The following ARHGAP26 variants were observed in gnomAD, a reference collection of about 807,000 sequenced individuals.
The protein encoded by ARHGAP26 is Rho GTPase activating protein 26.
A neutral mutation model predicts 104.8 loss-of-function variants in ARHGAP26; 38 were observed. The observed-to-expected ratio is 0.36, with a 90% CI of 0.28 to 0.48. The LOEUF (loss-of-function observed/expected upper bound fraction) is 0.48. ARHGAP26 is among the 20% of genes least tolerant of loss of function. ARHGAP26 has a pLI of 0.99. For synonymous variants in ARHGAP26, 341 were observed against 340.0 expected, an observed-to-expected ratio of 1.00 and a Z score of -0.03; for missense variants, 704 against 947.9, an observed-to-expected ratio of 0.74 and a Z score of 3.38.
intron 17 of ARHGAP26, among the ~76,000 whole-genome samples, chr5:143,059,688 A>C (rs1023381826): frequency 3.3e-5 from 5 of 152,178 alleles, no homozygotes; most frequent in African/African-American, 1.2e-4. Context: ...AACCAATTTA[A>C]GGCAATTTTA....
intron 11 of ARHGAP26, among the ~76,000 whole-genome samples, chr5:143,002,597 A>G (rs1019155653): frequency 4.6e-5 from 7 of 152,194 alleles, no homozygotes; most frequent in Non-Finnish European, 1.0e-4. Context: ...TGACCTGGCC[A>G]CATCCTACAT....
intron 21 of ARHGAP26, among the ~76,000 whole-genome samples, chr5:143,210,078 C>T (rs147276557): frequency 2.0e-4 from 30 of 152,230 alleles, no homozygotes; most frequent in African/African-American, 6.7e-4. Context: ...AATGATGTCT[C>T]CTCTGGAAAT....
At chr5:143,082,437 A>C (rs1481261652) in intron 17 of ARHGAP26, among the ~76,000 whole-genome samples, 1 of 152,264 alleles carries the variant, frequency 6.6e-6, no homozygotes, top group Non-Finnish European at 1.5e-5. Flanking sequence ...AACATAAAAA[A>C]TAATAAAATT....
intron 11 of ARHGAP26, among the ~76,000 whole-genome samples, chr5:142,944,557 T>C (rs141453005): frequency 6.6e-6 from 1 of 152,318 alleles, no homozygotes; most frequent in African/African-American, 2.4e-5. Context: ...TTGATGAGCC[T>C]GTAGGTGTAT....
Position 143,224,803 on chromosome 5 carries a change from C to T in ARHGAP26, c.*2357C>T, listed in dbSNP as rs1811528178. 1 of 227,814 alleles carries T rather than the reference C, an allele frequency of 4.4e-6. No homozygotes were observed. The highest frequency in any genetic ancestry group is 2.2e-5 in the African/African-American group (1 of 45,048). 14.1% of individuals were successfully genotyped at this position (227,814 alleles called of 1,614,324 possible). A position where few individuals can be genotyped will look rare whatever the true frequency, so the allele number is the denominator to read the frequency against. On this transcript the variant is annotated 3_prime_UTR_variant, in exon 23 of 23. Coordinates refer to ENST00000645722, the MANE Select transcript of ARHGAP26 (RefSeq NM_001135608.3). ...GTGATCCCAAAAGAAGAGGAAGACT[C>T]CAGGAGGGGTATAGATTGTGCCGTC...
chr5:143,174,509 A>T (rs1398412590), intron 20 of ARHGAP26, among the ~76,000 whole-genome samples: 3 of 152,218 alleles, frequency 2.0e-5, no homozygotes, highest in African/African-American at 4.8e-5. Flanking sequence ...GGGAAGGAAG[A>T]GTTATTTTTC....
At chr5:143,171,266 A>G (rs1172349211) in intron 20 of ARHGAP26, among the ~76,000 whole-genome samples, 1 of 152,124 alleles carries the variant, frequency 6.6e-6, no homozygotes, top group African/African-American at 2.4e-5. Flanking sequence ...TTTCAGGGGG[A>G]TAAAGTGACT....
At chr5:142,808,827 C>T (rs554674558) in intron 1 of ARHGAP26, among the ~76,000 whole-genome samples, 12 of 152,038 alleles carry the variant, frequency 7.9e-5, no homozygotes, top group Admixed American at 3.3e-4. Context: ...TCCTGTCAGC[C>T]GCTCTGGAAG....
rs115877287 is a variant in ARHGAP26 at position 142,863,771 on chromosome 5, G to A, written c.155-9629G>A. On this transcript the variant is annotated intron_variant, in intron 1 of 22. Coordinates refer to ENST00000645722, the MANE Select transcript of ARHGAP26 (RefSeq NM_001135608.3). ...GCTCCCAGGCCTGCTGGATCACATG[G>A]GAATTTTGACAAGATCCCAGGTGAT... Among the ~76,000 whole-genome samples, 893 of 152,242 alleles carry A rather than the reference G, an allele frequency of 5.9e-3. 14 individuals carry two copies. The highest frequency in any genetic ancestry group is 0.02 in the African/African-American group (842 of 41,522).
intron 22 of ARHGAP26, among the ~76,000 whole-genome samples, chr5:143,217,385 A>G (rs181305029): frequency 1.3e-5 from 2 of 152,308 alleles, no homozygotes; most frequent in African/African-American, 4.8e-5. Flanking sequence ...CTACTGGGAA[A>G]CTGTCCATTT....
chr5:143,195,184 T>C (rs756014394), intron 20 of ARHGAP26, among the ~76,000 whole-genome samples: 4 of 152,242 alleles, frequency 2.6e-5, no homozygotes, highest in African/African-American at 9.6e-5. Context: ...GGACCAAGGT[T>C]CGTGCATTTG....
Position 143,014,105 on chromosome 5 carries a change from AGAGTGAAGG to A in ARHGAP26, c.1138_1144+2del. The A allele has an allele frequency of 6.2e-7, 1 of 1,614,218 alleles. No individual in the cohort carries two copies. Among genetic ancestry groups the A allele is most frequent in the Non-Finnish European group, 8.5e-7 (1 of 1,180,024 alleles). ...GTCTACAACTCGAACAAAGACAGCC[AGAGTGAAGG>A]GAGTAAGTACGATGCTTGGGTAACC... On this transcript the variant is annotated inframe_deletion and splice_region_variant, in exon 12 of 23. Transcript: ENST00000645722.
chr5:143,015,505 T>G, intron 12 of ARHGAP26, among the ~76,000 whole-genome samples: 1 of 152,162 alleles, frequency 6.6e-6, no homozygotes, highest in South Asian at 2.1e-4. Context: ...GGCAACAAGT[T>G]GGTCTAATTT....
intron 3 of ARHGAP26, 25 bp downstream of exon 3, chr5:142,875,196 G>A: frequency 6.2e-7 from 1 of 1,609,976 alleles, no homozygotes; most frequent in Non-Finnish European, 8.5e-7. Context: ...GCTACTCTTG[G>A]TCCCAGATAG....
At chr5:143,074,147 A>AT (rs910318052) in intron 17 of ARHGAP26, among the ~76,000 whole-genome samples, 1 of 151,884 alleles carries the variant, frequency 6.6e-6, no homozygotes, top group Non-Finnish European at 1.5e-5. Context: ...AAGTACACCA[A>AT]TTTTTTTTCT....
chr5:142,808,035 AC>A, intron 1 of ARHGAP26, among the ~76,000 whole-genome samples: 1 of 151,970 alleles, frequency 6.6e-6, no homozygotes, highest in Non-Finnish European at 1.5e-5. Context: ...GGAGATCGAA[AC>A]CATCCTGGCT....
At chr5:143,131,341 A>G (rs1599151807) in intron 18 of ARHGAP26, among the ~76,000 whole-genome samples, 1 of 152,268 alleles carries the variant, frequency 6.6e-6, no homozygotes, top group East Asian at 1.9e-4. Flanking sequence ...ATTGAAGTCC[A>G]TGTTATTTTT....
chr5:142,979,777 A>C (rs1017230461), intron 11 of ARHGAP26, among the ~76,000 whole-genome samples: 1 of 152,248 alleles, frequency 6.6e-6, no homozygotes, highest in South Asian at 2.1e-4. Flanking sequence ...AGGTAATTCC[A>C]TATGAAGTTT....
At chr5:142,989,061 T>C (rs752311113) in intron 11 of ARHGAP26, among the ~76,000 whole-genome samples, 28 of 152,198 alleles carry the variant, frequency 1.8e-4, no homozygotes, top group Non-Finnish European at 3.7e-4. Flanking sequence ...ACTTTCTGCC[T>C]CGTTGATCTG....
Sources: allele counts gnomAD v4.1 joint callset (sites outside exome capture counted in the v4.1 genomes callset), GRCh38; gene constraint gnomAD v4.1.1; transcripts MANE v1.5; gene names NCBI Gene and HGNC (gene_info 2026-07-23, HGNC 2026-07-21).